The following FRYL variants were observed in gnomAD, a reference collection of about 807,000 sequenced individuals.
The protein encoded by FRYL is protein furry homolog-like.
In FRYL, 150 loss-of-function variants were observed where a neutral mutation model predicts 351.2. That is an observed-to-expected ratio of 0.43 (90% confidence interval 0.37 to 0.49). The LOEUF (loss-of-function observed/expected upper bound fraction) is 0.49, where lower values mean the gene tolerates loss of function less well. Ranked by LOEUF, FRYL falls within the 20% of genes least tolerant of loss-of-function variation. The pLI is 0.00. For synonymous variants in FRYL, 1,153 were observed against 1,257.1 expected (o/e 0.92, Z 1.75); for missense variants, 3,036 against 3,619.3 (o/e 0.84, Z 4.13).
At chr4:48,736,406 A>G (rs1242535022) in intron 1 of FRYL, among the ~76,000 whole-genome samples, 1 of 152,154 alleles carries the variant, frequency 6.6e-6, no homozygotes, top group Non-Finnish European at 1.5e-5. Context: ...AGAAAACCAA[A>G]AGCTAGTTAT....
rs189437178 is a variant in FRYL at position 48,719,534 on chromosome 4, T to C, written c.-383-8836A>G. Among the ~76,000 whole-genome samples, 246 of 151,778 alleles carry C rather than the reference T, an allele frequency of 1.6e-3. 6 individuals carry two copies. Among genetic ancestry groups the C allele is most frequent in the African/African-American group, 5.7e-3 (238 of 41,474 alleles). ...TTGCTGGTAGATAATACTCAACAAATGTTATTACTCTTGTTCACTAAAGAC... is the reference window on the plus strand; with the variant it reads ...TTGCTGGTAGATAATACTCAACAAACGTTATTACTCTTGTTCACTAAAGAC... On this transcript the variant is annotated intron_variant, in intron 1 of 63. Coordinates refer to ENST00000358350, the MANE Select transcript of FRYL (RefSeq NM_015030.2).
chr4:48,503,392 G>C (rs908796044), intron 60 of FRYL, among the ~76,000 whole-genome samples: 1 of 152,096 alleles, frequency 6.6e-6, no homozygotes, highest in Admixed American at 6.6e-5. Context: ...GCCATAACTG[G>C]TGCTGAGCCA....
intron 1 of FRYL, among the ~76,000 whole-genome samples, chr4:48,731,233 G>A (rs1482533121): frequency 1.3e-5 from 2 of 152,132 alleles, no homozygotes; most frequent in African/African-American, 2.4e-5. Flanking sequence ...AGTTCTTAGA[G>A]ACCTATCAAG....
At chr4:48,702,656 G>C (rs575284191) in intron 2 of FRYL, among the ~76,000 whole-genome samples, 6 of 148,736 alleles carry the variant, frequency 4.0e-5, no homozygotes, top group African/African-American at 1.5e-4. Flanking sequence ...CCAGCTACTC[G>C]TAGAGGCTGA....
chr4:48,617,376 T>C (rs1399758261), intron 7 of FRYL, among the ~76,000 whole-genome samples: 1 of 145,132 alleles, frequency 6.9e-6, no homozygotes, highest in Non-Finnish European at 1.5e-5. Flanking sequence ...AGAGACAGGG[T>C]CTTGCACTGT....
chr4:48,675,893 G>C (rs1763585713), intron 3 of FRYL, among the ~76,000 whole-genome samples: 1 of 152,178 alleles, frequency 6.6e-6, no homozygotes, highest in African/African-American at 2.4e-5. Flanking sequence ...CTCAAGGTTT[G>C]TAAATACACC....
At chr4:48,690,148 G>A (rs1765555465) in intron 2 of FRYL, among the ~76,000 whole-genome samples, 1 of 151,018 alleles carries the variant, frequency 6.6e-6, no homozygotes, top group Non-Finnish European at 1.5e-5. Flanking sequence ...CTCGTGATCT[G>A]CCTGCCTCGG....
At chr4:48,656,393 T>TA (rs1403582398) in intron 3 of FRYL, among the ~76,000 whole-genome samples, 2 of 127,884 alleles carry the variant, frequency 1.6e-5, no homozygotes, top group Non-Finnish European at 3.2e-5. Flanking sequence ...TAATATATAA[T>TA]TAATATATAA....
chr4:48,764,338 G>A (rs894931280), intron 1 of FRYL, among the ~76,000 whole-genome samples: 9 of 146,352 alleles, frequency 6.1e-5, no homozygotes, highest in South Asian at 2.2e-4. Flanking sequence ...AGACCAGCCC[G>A]GTGCAACAAA....
chr4:48,538,694 T>A (rs540650562), intron 47 of FRYL, among the ~76,000 whole-genome samples: 1 of 152,294 alleles, frequency 6.6e-6, no homozygotes, highest in South Asian at 2.1e-4. Context: ...TATTTGCTTG[T>A]TCTCTTCTGT....
intron 42 of FRYL, among the ~76,000 whole-genome samples, 177 bp downstream of exon 42, chr4:48,545,890 C>T (rs546017578): frequency 7.9e-5 from 12 of 152,296 alleles, no homozygotes; most frequent in Non-Finnish European, 1.6e-4. Flanking sequence ...GGTATAACTG[C>T]ACTGGCACAA....
intron 51 of FRYL, 55 bp downstream of exon 51, chr4:48,528,120 A>G: frequency 6.3e-7 from 1 of 1,577,494 alleles, no homozygotes; most frequent in Non-Finnish European, 8.6e-7. Flanking sequence ...TCATACCTAT[A>G]ACAAAACTGA....
intron 23 of FRYL, among the ~76,000 whole-genome samples, chr4:48,578,088 G>T (rs1410179794): frequency 3.3e-5 from 5 of 150,638 alleles, no homozygotes; most frequent in African/African-American, 1.2e-4. Flanking sequence ...ATACGGATAT[G>T]CAAAAATTAA....
intron 46 of FRYL, 59 bp downstream of exon 46, chr4:48,540,294 A>G: frequency 6.6e-7 from 1 of 1,522,032 alleles, no homozygotes; most frequent in East Asian, 2.3e-5. Flanking sequence ...AAAACAAATG[A>G]TTAGTTTACA....
intron 2 of FRYL, among the ~76,000 whole-genome samples, chr4:48,700,878 C>T (rs890122625): frequency 7.3e-5 from 11 of 151,548 alleles, no homozygotes; most frequent in African/African-American, 2.7e-4. Context: ...CTTACTGTAC[C>T]AAATAATTTC....
chr4:48,689,731 G>A (rs1765504724), intron 2 of FRYL, among the ~76,000 whole-genome samples: 1 of 152,152 alleles, frequency 6.6e-6, no homozygotes, highest in Non-Finnish European at 1.5e-5. Context: ...AAATTTGAAA[G>A]AGGTGGAGAT....
At chr4:48,576,000 T>C (rs779619589) in intron 24 of FRYL, 30 bp downstream of exon 24, 7 of 1,466,684 alleles carry the variant, frequency 4.8e-6, no homozygotes, top group East Asian at 5.0e-5. Flanking sequence ...TCAGATTTCA[T>C]ATATCCAACA....
intron 49 of FRYL, among the ~76,000 whole-genome samples, chr4:48,531,752 G>T (rs1166229828): frequency 6.6e-6 from 1 of 152,136 alleles, no homozygotes; most frequent in South Asian, 2.1e-4. Flanking sequence ...TTAAGTCTTT[G>T]CAGATAAAAA....
intron 3 of FRYL, among the ~76,000 whole-genome samples, chr4:48,660,732 A>G (rs959978628): frequency 2.0e-5 from 3 of 152,210 alleles, no homozygotes; most frequent in Non-Finnish European, 2.9e-5. Context: ...TTTTAATACT[A>G]CAGACTCTTG....
Sources: gnomAD v4.1 joint callset for allele counts (sites outside exome capture counted in the v4.1 genomes callset) on GRCh38, gnomAD v4.1.1 for gene constraint, MANE v1.5 for transcripts, NCBI Gene and HGNC (gene_info 2026-07-23, HGNC 2026-07-21) for gene names.